Variants in DESI2 observed in about 807,000 individuals in gnomAD.
The protein encoded by DESI2 is desumoylating isopeptidase 2.
Under a neutral mutation model 24.1 loss-of-function variants are expected in DESI2, and 10 were observed. That is an observed-to-expected ratio of 0.41 (90% CI 0.26 to 0.70). The LOEUF (loss-of-function observed/expected upper bound fraction) is 0.70, where lower values mean the gene tolerates loss of function less well. DESI2 is among the 30% of genes least tolerant of loss of function. DESI2 has a pLI of 0.29. For missense variants in DESI2, 122 were observed against 234.9 expected (o/e 0.52, Z 3.14); for synonymous variants, 71 against 87.7 (o/e 0.81, Z 1.06).
chr1:244,694,479 G>GTTCC, intron 4 of DESI2: 1 of 790,148 alleles, frequency 1.3e-6, no homozygotes, highest in Non-Finnish European at 2.3e-6. Flanking sequence ...TTTAGGTGGT[G>GTTCC]TTCCTTCACG....
intron 2 of DESI2, among the ~76,000 whole-genome samples, chr1:244,688,234 G>A (rs35529546): frequency 6.6e-5 from 10 of 151,902 alleles, no homozygotes; most frequent in African/African-American, 1.5e-4. Context: ...GTGACTTTCC[G>A]TACTATAATT....
chr1:244,704,421 G>A (rs1677609546), intron 4 of DESI2, among the ~76,000 whole-genome samples: 2 of 152,238 alleles, frequency 1.3e-5, no homozygotes, highest in South Asian at 4.1e-4. Flanking sequence ...AATAGACCCA[G>A]TTCTTACTAT....
At chr1:244,685,684 A>T (rs1676793103) in intron 1 of DESI2, among the ~76,000 whole-genome samples, 1 of 152,240 alleles carries the variant, frequency 6.6e-6, no homozygotes, top group South Asian at 2.1e-4. Context: ...TCTGGAGCCA[A>T]GGTTAAGACT....
intron 1 of DESI2, among the ~76,000 whole-genome samples, chr1:244,660,427 A>C (rs1028063799): frequency 6.6e-6 from 1 of 152,128 alleles, no homozygotes; most frequent in African/African-American, 2.4e-5. Flanking sequence ...CGGCCGCCCA[A>C]AGTGCTGGGA....
chr1:244,661,329 A>G (rs1348787759), intron 1 of DESI2, among the ~76,000 whole-genome samples: 2 of 152,172 alleles, frequency 1.3e-5, no homozygotes, highest in African/African-American at 2.4e-5. Context: ...ATGTTGCAGC[A>G]TGTATCAGAA....
intron 4 of DESI2, among the ~76,000 whole-genome samples, chr1:244,703,835 T>C (rs900230166): frequency 6.6e-6 from 1 of 152,060 alleles, no homozygotes; most frequent in East Asian, 1.9e-4. Flanking sequence ...ATTTTTTGTA[T>C]GTTTAGTAGA....
intron 1 of DESI2, among the ~76,000 whole-genome samples, chr1:244,680,429 CAAAA>C (rs113349044): frequency 7.4e-6 from 1 of 135,244 alleles, no homozygotes; most frequent in East Asian, 2.1e-4. Context: ...AACCCTGTCT[CAAAA>C]AAAAAAAAAG....
In DESI2 at chr1:244,653,429, G is replaced by C. The variant is rs1192289320; in HGVS notation, c.42+74G>C. ...TCTCGCCCGTGGGGCTCGGACCCCG[G>C]CCCCAGGCGCTTCCTGCCTGGCGTC... On this transcript the variant is annotated intron_variant, in intron 1 of 4. Coordinates refer to ENST00000302550, the MANE Select transcript of DESI2 (RefSeq NM_016076.5). The C allele has an allele frequency of 2.7e-6, 4 of 1,465,270 alleles. No individual in the cohort carries two copies. The Admixed American group carries it at 1.1e-4, about 40-fold the overall frequency. 90.8% of individuals were successfully genotyped at this position (1,465,270 alleles called of 1,614,324 possible).
chr1:244,653,263 C>T lies in DESI2; in HGVS notation c.-51C>T. ...CGCGGGGGTGAGAGCGGCCTCCGGC[C>T]CCGCGGAGACGGAGCGGCTTGAGGA... On this transcript the variant is annotated 5_prime_UTR_variant, in exon 1 of 5. Transcript: ENST00000302550. The T allele has an allele frequency of 4.1e-6, 6 of 1,461,522 alleles. No homozygotes were observed. Among genetic ancestry groups the T allele is most frequent in the Non-Finnish European group, 5.4e-6 (6 of 1,108,422 alleles). 90.5% of individuals were successfully genotyped at this position (1,461,522 alleles called of 1,614,324 possible).
Position 244,689,670 on chromosome 1 carries a change from C to T in DESI2, c.209+328C>T, listed in dbSNP as rs944535728. 3.7e-4 allele frequency among the ~76,000 whole-genome samples: 56 copies of T among 152,078 alleles called. No homozygotes were observed. Among genetic ancestry groups the T allele is most frequent in the African/African-American group, 1.2e-3 (51 of 41,408 alleles). ...GATTACAGGCGTGCACCACGACGTCCGGCTAATTTTTGTATTTTTAGTAGA... is the reference window on the plus strand; with the variant it reads ...GATTACAGGCGTGCACCACGACGTCTGGCTAATTTTTGTATTTTTAGTAGA... On this transcript the variant is annotated intron_variant, in intron 3 of 4. Transcript: ENST00000302550. The surrounding 1 kb of genome is among the most constrained non-coding windows in gnomAD (Gnocchi z 4.0).
At chr1:244,671,567 C>A (rs1676245996) in intron 1 of DESI2, among the ~76,000 whole-genome samples, 1 of 152,136 alleles carries the variant, frequency 6.6e-6, no homozygotes, top group Admixed American at 6.5e-5. Flanking sequence ...ACTTCTAGGG[C>A]TTTATTTGGA....
intron 4 of DESI2, among the ~76,000 whole-genome samples, chr1:244,703,000 CTTT>C (rs72210181): frequency 2.2e-4 from 29 of 131,606 alleles, no homozygotes; most frequent in Admixed American, 3.0e-4. Flanking sequence ...TTTGCCAGCG[CTTT>C]TTTTTTTTTT....
chr1:244,678,485 T>A (rs1416805183), intron 1 of DESI2, among the ~76,000 whole-genome samples: 1 of 152,166 alleles, frequency 6.6e-6, no homozygotes, highest in Non-Finnish European at 1.5e-5. Flanking sequence ...ATAAGTTCAT[T>A]CTCATCCTAA....
intron 1 of DESI2, among the ~76,000 whole-genome samples, chr1:244,680,948 C>CTTTT (rs34557918): frequency 7.1e-6 from 1 of 141,156 alleles, no homozygotes; most frequent in Non-Finnish European, 1.5e-5. Flanking sequence ...CCTCCTTTTA[C>CTTTT]TTTTTTTTTT....
chr1:244,704,364 T>A (rs1677607003), intron 4 of DESI2, among the ~76,000 whole-genome samples: 1 of 152,148 alleles, frequency 6.6e-6, no homozygotes, highest in South Asian at 2.1e-4. Context: ...CAGTCCATTG[T>A]CTGCACAAGA....
At chr1:244,703,631 A>C (rs1372281500) in intron 4 of DESI2, among the ~76,000 whole-genome samples, 1 of 149,706 alleles carries the variant, frequency 6.7e-6, no homozygotes, top group African/African-American at 2.5e-5. Flanking sequence ...GATTACAGGC[A>C]TGAGCCACCA....
rs1573166979 is a variant in DESI2 at position 244,653,202 on chromosome 1, T to C, written c.-112T>C. 2.6e-6 allele frequency: 3 copies of C among 1,163,578 alleles called. No individual in the cohort carries two copies. In the East Asian group the frequency reaches 8.7e-5, roughly 34 times the overall value. The allele number at this position is 1,163,578 out of a possible 1,614,324, so 72.1% of individuals were successfully genotyped here. A position where few individuals can be genotyped will look rare whatever the true frequency, so the allele number is the denominator to read the frequency against. ...GCCCCGGCTGCCGCGGGCCGGGCTG[T>C]ACGCTTAGTGCCCGGCTCAGGCCCC... On this transcript the variant is annotated 5_prime_UTR_variant, in exon 1 of 5. Coordinates refer to ENST00000302550, the MANE Select transcript of DESI2 (RefSeq NM_016076.5).
intron 1 of DESI2, among the ~76,000 whole-genome samples, chr1:244,673,827 A>G (rs904146369): frequency 9.2e-5 from 14 of 152,164 alleles, no homozygotes; most frequent in African/African-American, 3.4e-4. Flanking sequence ...ATAATGCCGA[A>G]TTATTCTTTA....
At position 244,705,866 on chromosome 1, in the gene DESI2, C is replaced by G; in HGVS notation, c.*77C>G. The G allele has an allele frequency of 9.6e-7, 1 of 1,039,084 alleles. No individual in the cohort carries two copies. Among genetic ancestry groups the G allele is most frequent in the Non-Finnish European group, 1.4e-6 (1 of 715,202 alleles). The allele number at this position is 1,039,084 out of a possible 1,614,324, so 64.4% of individuals were successfully genotyped here. A position where few individuals can be genotyped will look rare whatever the true frequency, so the allele number is the denominator to read the frequency against. Reference sequence around the variant, plus strand: ...AGAGAAAAGTAAACAGAGAAGCATCCTTTAGATATTTTGTATGCAAAGATG... The same window carrying G: ...AGAGAAAAGTAAACAGAGAAGCATCGTTTAGATATTTTGTATGCAAAGATG... On this transcript the variant is annotated 3_prime_UTR_variant, in exon 5 of 5. Transcript: ENST00000302550.
Sources: allele counts gnomAD v4.1 joint callset (sites outside exome capture counted in the v4.1 genomes callset), GRCh38; gene constraint gnomAD v4.1.1; non-coding constraint Gnocchi (gnomAD v3.1); transcripts MANE v1.5; gene names NCBI Gene and HGNC (gene_info 2026-07-23, HGNC 2026-07-21).